The following ENKUR variants were observed in gnomAD, a reference collection of about 807,000 sequenced individuals.
ENKUR encodes enkurin.
ENKUR carries 19 observed loss-of-function variants against 27.6 expected under a neutral mutation model. That is an observed-to-expected ratio of 0.69 (90% CI 0.48 to 1.01). The LOEUF is 1.01. Ranked by LOEUF, ENKUR falls within the 50% of genes least tolerant of loss-of-function variation. ENKUR has a pLI of 0.00. For missense variants in ENKUR, 312 were observed against 310.5 expected (o/e 1.00, Z -0.04); for synonymous variants, 117 against 96.9 (o/e 1.21, Z -1.22).
intron 2 of ENKUR, among the ~76,000 whole-genome samples, chr10:25,040,208 G>A (rs934821553): frequency 8.6e-5 from 13 of 151,958 alleles, no homozygotes; most frequent in Non-Finnish European, 1.5e-5. Flanking sequence ...GCATTCTAGC[G>A]GTCAAAGCAA....
At chr10:24,993,249 C>T (rs572636627) in intron 3 of ENKUR, among the ~76,000 whole-genome samples, 98 of 152,062 alleles carry the variant, frequency 6.4e-4, no homozygotes, top group Non-Finnish European at 8.4e-4. Flanking sequence ...GCTGAATCAC[C>T]GGAGGCTAAT....
chr10:24,990,583 T>A lies in ENKUR; in HGVS notation c.474A>T (p.Ile158=). 6.2e-7 allele frequency: 1 copy of A among 1,612,210 alleles called. No individual in the cohort carries two copies. Among genetic ancestry groups the A allele is most frequent in the Non-Finnish European group, 8.5e-7 (1 of 1,179,650 alleles). Residue 158 remains isoleucine (I), a synonymous_variant, in exon 4 of 6, where the codon ATA becomes ATT. Coordinates refer to ENST00000331161, the MANE Select transcript of ENKUR (RefSeq NM_145010.4). ...TCTTTATTTCCTCGTTTCGCTTACA[T>A]ATGTATTCAGGTGTGACACCATAAT... The part of the protein sequence containing the change: ...KKDYGVTPEY[I]CKRNEEIKKA...
chr10:25,038,911 G>A (rs557365049), intron 2 of ENKUR, among the ~76,000 whole-genome samples: 42 of 152,302 alleles, frequency 2.8e-4, no homozygotes, highest in Admixed American at 1.6e-3. Context: ...GTTGTCAAAG[G>A]TTGTGTGAGT....
At chr10:25,023,342 C>T (rs145338150) in intron 2 of ENKUR, 151 of 1,613,890 alleles carry the variant, frequency 9.4e-5, no homozygotes, top group Admixed American at 3.5e-4. Context: ...TTTGCACTTG[C>T]GGAATTGAGG....
intron 2 of ENKUR, among the ~76,000 whole-genome samples, chr10:25,048,813 T>A (rs1005132729): frequency 6.6e-6 from 1 of 151,968 alleles, no homozygotes; most frequent in Non-Finnish European, 1.5e-5. Flanking sequence ...GCAGTTGAGG[T>A]CTTTTTATAT....
intron 2 of ENKUR, among the ~76,000 whole-genome samples, chr10:25,055,671 C>T (rs1036127734): frequency 2.0e-5 from 3 of 151,940 alleles, no homozygotes; most frequent in Non-Finnish European, 4.4e-5. Flanking sequence ...AAATTATCTT[C>T]GATTTTTAAA....
At chr10:25,024,598 G>T (rs748010988) in intron 2 of ENKUR, 2 of 1,614,162 alleles carry the variant, frequency 1.2e-6, no homozygotes, top group Middle Eastern at 1.6e-4. Context: ...CTTTCTTACT[G>T]TGGAATATGG....
intron 2 of ENKUR, among the ~76,000 whole-genome samples, chr10:25,027,146 G>A (rs1422952593): frequency 1.3e-5 from 2 of 151,646 alleles, no homozygotes; most frequent in Non-Finnish European, 2.9e-5. Context: ...CCTGAAGTCA[G>A]GAGTTCGAGA....
At chr10:25,023,950 G>C (rs1319447747) in intron 2 of ENKUR, 1 of 1,614,194 alleles carries the variant, frequency 6.2e-7, no homozygotes, top group East Asian at 2.2e-5. Flanking sequence ...TGAAGACTGT[G>C]AACAGAAGGT....
intron 2 of ENKUR, among the ~76,000 whole-genome samples, chr10:25,056,477 C>A (rs1322047112): frequency 6.6e-6 from 1 of 152,150 alleles, no homozygotes; most frequent in Non-Finnish European, 1.5e-5. Context: ...AAAGGTAGAA[C>A]TTCATCAGGT....
chr10:25,016,943 A>G (rs1850601736), upstream of ENKUR, among the ~76,000 whole-genome samples: 1 of 152,264 alleles, frequency 6.6e-6, no homozygotes, highest in South Asian at 2.1e-4. Flanking sequence ...GGCTCCTCGG[A>G]ACGCCGCGCA....
chr10:24,999,553 T>C lies in ENKUR; in HGVS notation c.78-7A>G, dbSNP rs1476655100. 1.9e-6 allele frequency: 3 copies of C among 1,596,374 alleles called. No individual in the cohort carries two copies. Among genetic ancestry groups the C allele is most frequent in the African/African-American group, 1.4e-5 (1 of 73,768 alleles). On this transcript the variant is annotated splice_region_variant and splice_polypyrimidine_tract_variant and intron_variant, in intron 1 of 5. Transcript: ENST00000331161. Reference sequence around the variant, plus strand: ...CTTAAAAATGGATATGTACCTAAAATTGAATTTTAAAAGTTGTAGCATTTA... The same window carrying C: ...CTTAAAAATGGATATGTACCTAAAACTGAATTTTAAAAGTTGTAGCATTTA...
rs183016025 is a variant in ENKUR, at chr10:24,991,613, C to T, written c.448-1004G>A. Among the ~76,000 whole-genome samples, 551 of 152,238 alleles carry T rather than the reference C, an allele frequency of 3.6e-3. 5 individuals carry two copies. The highest frequency in any genetic ancestry group is 0.012 in the African/African-American group (509 of 41,536). ...GAGGAGAGCCCGGGCCACAGAGCTG[C>T]CCGGCTCCAGGGAAAAACCATCTCC... On this transcript the variant is annotated intron_variant, in intron 3 of 5. Transcript: ENST00000331161.
chr10:25,000,829 T>G (rs1476567860), intron 1 of ENKUR, among the ~76,000 whole-genome samples: 1 of 152,126 alleles, frequency 6.6e-6, no homozygotes, highest in Non-Finnish European at 1.5e-5. Flanking sequence ...TTTTTACATA[T>G]CCCCTTGCTC....
At chr10:25,060,670 C>A (rs2130502944) in intron 2 of ENKUR, among the ~76,000 whole-genome samples, 1 of 152,184 alleles carries the variant, frequency 6.6e-6, no homozygotes, top group East Asian at 1.9e-4. Flanking sequence ...GGGTAGACCC[C>A]ACCCAAGCAG....
chr10:25,028,878 C>T (rs1201803581), intron 2 of ENKUR, among the ~76,000 whole-genome samples: 4 of 152,192 alleles, frequency 2.6e-5, no homozygotes, highest in Non-Finnish European at 4.4e-5. Flanking sequence ...TTCCCTTTCT[C>T]ATAGTTCTGC....
At chr10:25,023,097 A>G (rs758415391) in intron 2 of ENKUR, 28 of 866,948 alleles carry the variant, frequency 3.2e-5, no homozygotes, top group Middle Eastern at 3.5e-4. Context: ...ATTCAGTCCT[A>G]TTGGGATTTT....
intron 2 of ENKUR, among the ~76,000 whole-genome samples, chr10:25,038,174 G>T (rs1204814055): frequency 6.6e-6 from 1 of 152,150 alleles, no homozygotes; most frequent in Non-Finnish European, 1.5e-5. Context: ...TTATAGGATA[G>T]GGTATCATAG....
chr10:25,042,047 T>G (rs1588682498), intron 2 of ENKUR, among the ~76,000 whole-genome samples: 1 of 152,236 alleles, frequency 6.6e-6, no homozygotes, highest in East Asian at 1.9e-4. Flanking sequence ...TCAAGGTTAA[T>G]TTTTCTAAGT....
Sources: gnomAD v4.1 joint callset for allele counts (sites outside exome capture counted in the v4.1 genomes callset) on GRCh38, gnomAD v4.1.1 for gene constraint, MANE v1.5 for transcripts, NCBI Gene and HGNC (gene_info 2026-07-23, HGNC 2026-07-21) for gene names.